The following RORB variants were observed in gnomAD, a reference collection of about 807,000 sequenced individuals.
RORB encodes the protein RAR related orphan receptor B, also known as nuclear receptor ROR-beta.
RORB carries 6 observed loss-of-function variants against 59.1 expected under a neutral mutation model. The observed-to-expected ratio is 0.10, with a 90% CI of 0.06 to 0.20. The LOEUF is 0.20. Ranked by LOEUF, RORB falls within the 10% of genes least tolerant of loss-of-function variation. The probability of loss-of-function intolerance (pLI) is 1.00; values close to 1 mark genes in which losing one functional copy is unlikely to be tolerated. For synonymous variants in RORB, 215 were observed against 204.5 expected (o/e 1.05, Z -0.44); for missense variants, 320 against 560.5 (o/e 0.57, Z 4.33).
chr9:74,629,877 T>A (rs998546296), intron 1 of RORB, among the ~76,000 whole-genome samples: 3 of 152,198 alleles, frequency 2.0e-5, no homozygotes, highest in African/African-American at 7.2e-5. Flanking sequence ...TTATTTTAAA[T>A]ATCACTGAGG....
rs1748591578 is a variant in RORB, at chr9:74,692,453, T to C, written c.*6835T>C. ...TCCAACATTCAGAGATTTAATGTTT[T>C]TACCTTAGCTCCAGCCTACGCTTGT... On this transcript the variant is annotated 3_prime_UTR_variant, in exon 10 of 10. Transcript: ENST00000376896. The C allele has an allele frequency of 6.6e-6, 1 of 152,230 alleles. No individual in the cohort carries two copies. The highest frequency in any genetic ancestry group is 2.4e-5 in the African/African-American group (1 of 41,454). 9.4% of individuals were successfully genotyped at this position (152,230 alleles called of 1,614,324 possible).
At chr9:74,514,489 C>G (rs1248965003) in intron 1 of RORB, among the ~76,000 whole-genome samples, 1 of 151,826 alleles carries the variant, frequency 6.6e-6, no homozygotes, top group Non-Finnish European at 1.5e-5. Context: ...TGTTGCTGAC[C>G]GCCAACACTT....
intron 1 of RORB, among the ~76,000 whole-genome samples, chr9:74,585,134 T>C (rs1182350071): frequency 1.3e-5 from 2 of 152,214 alleles, no homozygotes; most frequent in Admixed American, 1.3e-4. Context: ...CTCAAATAGA[T>C]AAATGCAGCC....
At chr9:74,667,316 A>G (rs1043264364) in intron 7 of RORB, among the ~76,000 whole-genome samples, 7 of 152,208 alleles carry the variant, frequency 4.6e-5, no homozygotes, top group Non-Finnish European at 7.3e-5. Flanking sequence ...GATATTTCTA[A>G]CGTCTCAGTT....
chr9:74,558,336 T>C (rs1057219176), intron 1 of RORB, among the ~76,000 whole-genome samples: 1 of 152,124 alleles, frequency 6.6e-6, no homozygotes, highest in African/African-American at 2.4e-5. Flanking sequence ...TTATTAATCA[T>C]TCAGAATCTG....
In RORB at chr9:74,662,750, T is replaced by C. The variant is rs1033929304; in HGVS notation, c.892+144T>C. 1.8e-5 allele frequency: 15 copies of C among 817,536 alleles called. No individual in the cohort carries two copies. In the African/African-American group the frequency reaches 2.4e-4, roughly 13 times the overall value. The allele number at this position is 817,536 out of a possible 1,614,324, so 50.6% of individuals were successfully genotyped here. A position where few individuals can be genotyped will look rare whatever the true frequency, so the allele number is the denominator to read the frequency against. ...GTCAGCCAACTCCCAAAGGAAACTC[T>C]CAGTAATAAAAATGCCCTGATACTC... is the stretch of plus-strand genomic sequence containing the variant. On this transcript the variant is annotated intron_variant, in intron 6 of 9. Coordinates refer to ENST00000376896, the MANE Select transcript of RORB (RefSeq NM_006914.4).
rs181926313 is a variant in RORB, at chr9:74,576,036, A to T, written c.8-54246A>T. ...GGAGTGTGTTTCCAGAGAAATGAAAAGTAAAGGTAATTGTGGATGTTCAAT... is the reference window on the plus strand; with the variant it reads ...GGAGTGTGTTTCCAGAGAAATGAAATGTAAAGGTAATTGTGGATGTTCAAT... On this transcript the variant is annotated intron_variant, in intron 1 of 9. Coordinates refer to ENST00000376896, the MANE Select transcript of RORB (RefSeq NM_006914.4). Among the ~76,000 whole-genome samples the T allele has an allele frequency of 1.7e-3, 252 of 152,258 alleles. 2 individuals carry two copies. The highest frequency in any genetic ancestry group is 5.3e-3 in the African/African-American group (222 of 41,560).
chr9:74,602,515 T>C (rs1823081804), intron 1 of RORB, among the ~76,000 whole-genome samples: 1 of 152,212 alleles, frequency 6.6e-6, no homozygotes, highest in Non-Finnish European at 1.5e-5. Flanking sequence ...TCCGAAGCCC[T>C]AATGATAACA....
rs769293830 is a variant in RORB, at chr9:74,660,622, A to T, written c.643A>T (p.Ile215Phe). 1 of 1,609,016 alleles carries T rather than the reference A, an allele frequency of 6.2e-7. No homozygotes were observed. Among genetic ancestry groups the T allele is most frequent in the Admixed American group, 1.7e-5 (1 of 58,538 alleles). Reference sequence around the variant, plus strand: ...ATTGATATCTTTTCTCACAGACCGAATTGCACAGAACATCATTAAGTCCCA... The same window carrying T: ...ATTGATATCTTTTCTCACAGACCGATTTGCACAGAACATCATTAAGTCCCA... ...PGITMTEIDR[I>F]AQNIIKSHLE... Residue 215 changes from isoleucine to phenylalanine, a missense_variant, in exon 5 of 10, where the codon ATT becomes TTT. Physicochemically the swap from Ile to Phe is conservative, Grantham distance 21. This residue lies in a region of RORB where 134 missense variants were observed against 156.2 expected (regional missense o/e 0.86). Coordinates refer to ENST00000376896, the MANE Select transcript of RORB (RefSeq NM_006914.4).
intron 1 of RORB, among the ~76,000 whole-genome samples, chr9:74,619,339 C>G (rs543041061): frequency 6.6e-6 from 1 of 152,280 alleles, no homozygotes; most frequent in South Asian, 2.1e-4. Context: ...CCTGTCTGCC[C>G]TGCATTCAGG....
rs1381665678 is a variant in RORB at position 74,685,653 on chromosome 9, G to A, written c.*35G>A. On this transcript the variant is annotated 3_prime_UTR_variant, in exon 10 of 10. Transcript: ENST00000376896. The stretch of plus-strand genomic sequence containing the variant: ...GAGAACTGTCTCATAGTCATGGAAT[G>A]CATCACCATTAAGACAAAAGCAATG... 2 of 1,501,082 alleles carry A rather than the reference G, an allele frequency of 1.3e-6. No homozygotes were observed. The highest frequency in any genetic ancestry group is 2.0e-5 in the Admixed American group (1 of 49,712). 93.0% of individuals were successfully genotyped at this position (1,501,082 alleles called of 1,614,324 possible).
intron 5 of RORB, among the ~76,000 whole-genome samples, chr9:74,661,054 C>G (rs1442428249): frequency 6.6e-6 from 1 of 152,204 alleles, no homozygotes; most frequent in African/African-American, 2.4e-5. Flanking sequence ...TAGGACATCT[C>G]TTGCTGACTT....
At chr9:74,508,466 G>T (rs1241016958) in intron 1 of RORB, among the ~76,000 whole-genome samples, 1 of 151,928 alleles carries the variant, frequency 6.6e-6, no homozygotes, top group Non-Finnish European at 1.5e-5. Context: ...ATTTTTGAAA[G>T]GTTGTCTAAC....
chr9:74,532,247 G>A (rs1826253178), intron 1 of RORB, among the ~76,000 whole-genome samples: 1 of 151,952 alleles, frequency 6.6e-6, no homozygotes, highest in African/African-American at 2.4e-5. Context: ...TCACATAGAT[G>A]TGTATATCTT....
chr9:74,521,379 A>C (rs550809596), intron 1 of RORB, among the ~76,000 whole-genome samples: 1 of 151,972 alleles, frequency 6.6e-6, no homozygotes, highest in East Asian at 1.9e-4. Flanking sequence ...ATAATCCAAA[A>C]GGATTAGCCC....
At chr9:74,681,898 AAT>A (rs1449524619) in intron 9 of RORB, among the ~76,000 whole-genome samples, 1 of 152,206 alleles carries the variant, frequency 6.6e-6, no homozygotes, top group East Asian at 1.9e-4. Context: ...ATGAAAAATC[AAT>A]ATGATTTTGC....
intron 1 of RORB, among the ~76,000 whole-genome samples, chr9:74,621,167 A>G (rs1823411028): frequency 6.6e-6 from 1 of 152,180 alleles, no homozygotes; most frequent in Admixed American, 6.5e-5. Flanking sequence ...ACTATTCTAT[A>G]GGTTTTGACA....
At chr9:74,627,127 A>T (rs965823368) in intron 1 of RORB, among the ~76,000 whole-genome samples, 1 of 148,198 alleles carries the variant, frequency 6.7e-6, no homozygotes, top group South Asian at 2.1e-4. Context: ...GCGCCACTCC[A>T]CTCCAGCCTG....
At chr9:74,505,107 A>G (rs1825852874) in intron 1 of RORB, among the ~76,000 whole-genome samples, 1 of 152,166 alleles carries the variant, frequency 6.6e-6, no homozygotes, top group Non-Finnish European at 1.5e-5. Flanking sequence ...GGCATTTATA[A>G]CCAGAACTTG....
Sources: allele counts gnomAD v4.1 joint callset (sites outside exome capture counted in the v4.1 genomes callset), GRCh38; gene constraint gnomAD v4.1.1; regional missense constraint gnomAD v4.1.1; transcripts MANE v1.5; gene names NCBI Gene and HGNC (gene_info 2026-07-23, HGNC 2026-07-21).